Variants in CHRNA7 observed in about 807,000 individuals in gnomAD.
CHRNA7 encodes cholinergic receptor nicotinic alpha 7 subunit, also known as neuronal acetylcholine receptor subunit alpha-7.
A neutral mutation model predicts 48.0 loss-of-function variants in CHRNA7; 17 were observed. The observed-to-expected ratio is 0.35, with a 90% CI of 0.24 to 0.53. The LOEUF (loss-of-function observed/expected upper bound fraction) is 0.53. Among genes scored for constraint, CHRNA7 ranks in the 20% least tolerant of loss-of-function variants. CHRNA7 has a pLI of 0.92. For synonymous variants in CHRNA7, 75 were observed against 242.3 expected (o/e 0.31, Z 6.41); for missense variants, 155 against 577.7 (o/e 0.27, Z 7.50).
At chr15:32,167,862 TATTGTA>T in intron 9 of CHRNA7, 72 bp from the exon 10 acceptor site, 5 of 1,361,788 alleles carry the variant, frequency 3.7e-6, no homozygotes, top group Non-Finnish European at 5.0e-6. Context: ...GCAGGGCTTG[TATTGTA>T]GGATCTTACT....
intron 4 of CHRNA7, among the ~76,000 whole-genome samples, chr15:32,120,720 G>A: frequency 6.6e-6 from 1 of 152,054 alleles, no homozygotes; most frequent in Non-Finnish European, 1.5e-5. Context: ...GTGGCAACGG[G>A]CCAGTCCACG....
intron 2 of CHRNA7, among the ~76,000 whole-genome samples, chr15:32,049,386 T>C (rs975143144): frequency 1.3e-5 from 2 of 152,168 alleles, no homozygotes; most frequent in African/African-American, 4.8e-5. Context: ...AATTGATCCC[T>C]TTACCATTAT....
chr15:32,055,990 C>T (rs28820409), intron 2 of CHRNA7, among the ~76,000 whole-genome samples: 1 of 151,358 alleles, frequency 6.6e-6, no homozygotes, highest in Non-Finnish European at 1.5e-5. Context: ...AAAAAAAAAA[C>T]CAAAAAACAA....
intron 4 of CHRNA7, among the ~76,000 whole-genome samples, chr15:32,141,461 A>G (rs531019041): frequency 6.6e-6 from 1 of 152,304 alleles, no homozygotes; most frequent in East Asian, 1.9e-4. Context: ...CTGTGAAGAA[A>G]GTCATTGGTA....
At position 32,063,236 on chromosome 15, in the gene CHRNA7, T is replaced by TA. The variant is rs71113440; in HGVS notation, c.195+32210dup. On this transcript the variant is annotated intron_variant, in intron 2 of 9. Transcript: ENST00000306901. The stretch of plus-strand genomic sequence containing the variant: ...ACTGTACACTTAGACTACACTAAAT[T>TA]AAAAAAAAAAAGTAATTGCACTGTG... Among the ~76,000 whole-genome samples the TA allele has an allele frequency of 1.0e-4, 15 of 146,176 alleles. No homozygotes were observed. The South Asian group carries it at 1.3e-3, about 13-fold the overall frequency.
intron 2 of CHRNA7, among the ~76,000 whole-genome samples, chr15:32,085,505 A>G (rs1484415535): frequency 6.6e-6 from 1 of 152,254 alleles, no homozygotes; most frequent in Non-Finnish European, 1.5e-5. Flanking sequence ...GTTGAATAGC[A>G]TCTTAGATTT....
At chr15:32,055,587 G>A (rs1022900685) in intron 2 of CHRNA7, among the ~76,000 whole-genome samples, 1 of 152,126 alleles carries the variant, frequency 6.6e-6, no homozygotes, top group Non-Finnish European at 1.5e-5. Context: ...GGAGGGTGGG[G>A]CCTTCATGAC....
At chr15:32,041,325 G>C (rs190927824) in intron 2 of CHRNA7, among the ~76,000 whole-genome samples, 1 of 152,310 alleles carries the variant, frequency 6.6e-6, no homozygotes, top group Admixed American at 6.5e-5. Context: ...TCCATAGACT[G>C]TCGGGGGCCA....
rs1483531596 is a variant in CHRNA7 at position 32,030,559 on chromosome 15, G to A, written c.-36G>A. Reference sequence around the variant, plus strand: ...CAGGCCCGGGCGACAGCCGAGACGTGGAGCGCGCCGGCTCGCTGCAGCTCC... The same window carrying A: ...CAGGCCCGGGCGACAGCCGAGACGTAGAGCGCGCCGGCTCGCTGCAGCTCC... On this transcript the variant is annotated 5_prime_UTR_variant, in exon 1 of 10. Coordinates refer to ENST00000306901, the MANE Select transcript of CHRNA7 (RefSeq NM_000746.6). 7 of 1,459,478 alleles carry A rather than the reference G, an allele frequency of 4.8e-6. No individual in the cohort carries two copies. The highest frequency in any genetic ancestry group is 6.0e-5 in the East Asian group (2 of 33,458). 90.4% of individuals were successfully genotyped at this position (1,459,478 alleles called of 1,614,324 possible). A position where few individuals can be genotyped will look rare whatever the true frequency, so the allele number is the denominator to read the frequency against.
intron 4 of CHRNA7, among the ~76,000 whole-genome samples, chr15:32,127,557 T>C (rs971987224): frequency 1.1e-4 from 16 of 152,160 alleles, no homozygotes; most frequent in African/African-American, 3.9e-4. Flanking sequence ...CTAATGCTGT[T>C]GAACATCTTA....
chr15:32,049,514 T>C (rs553113633), intron 2 of CHRNA7, among the ~76,000 whole-genome samples: 25 of 152,192 alleles, frequency 1.6e-4, no homozygotes, highest in Non-Finnish European at 2.8e-4. Flanking sequence ...TCTTCCTCCA[T>C]CCTTTAATTT....
chr15:32,116,654 G>A (rs1024211661), intron 4 of CHRNA7, among the ~76,000 whole-genome samples: 3 of 152,226 alleles, frequency 2.0e-5, no homozygotes, highest in Non-Finnish European at 4.4e-5. Context: ...GCTTGCAGAA[G>A]GACAGTCTGA....
rs187545998 is a variant in CHRNA7 at position 32,078,690 on chromosome 15, A to T, written c.196-22613A>T. Among the ~76,000 whole-genome samples the T allele has an allele frequency of 3.1e-3, 463 of 150,178 alleles. 4 individuals are homozygous for T. Among genetic ancestry groups the T allele is most frequent in the African/African-American group, 0.011 (450 of 41,000 alleles). On this transcript the variant is annotated intron_variant, in intron 2 of 9. Transcript: ENST00000306901. ...AAAAAAAAAAAAAAAGCCCAGGACC[A>T]GATGGATTTATAGCTTAATTCTACC...
intron 4 of CHRNA7, among the ~76,000 whole-genome samples, chr15:32,126,116 T>C (rs1001647039): frequency 3.3e-5 from 5 of 152,200 alleles, no homozygotes; most frequent in African/African-American, 1.2e-4. Context: ...GCTAGAGAAC[T>C]TTAGTGAATC....
chr15:32,134,290 C>G (rs1011783464), intron 4 of CHRNA7, among the ~76,000 whole-genome samples: 1 of 152,078 alleles, frequency 6.6e-6, no homozygotes, highest in Admixed American at 6.5e-5. Flanking sequence ...TCCTGAGTAG[C>G]TGGGATTACA....
At chr15:32,137,528 A>C (rs547435856) in intron 4 of CHRNA7, among the ~76,000 whole-genome samples, 2 of 152,338 alleles carry the variant, frequency 1.3e-5, no homozygotes, top group African/African-American at 4.8e-5. Context: ...AGAAGATTTT[A>C]ATGTACCTCT....
chr15:32,100,173 A>G (rs1595445568), intron 2 of CHRNA7: 1 of 149,084 alleles, frequency 6.7e-6, no homozygotes, highest in Admixed American at 6.7e-5. Context: ...AGCAGATGCC[A>G]CGTTCTTTCT....
At chr15:32,039,641 T>G (rs1204180708) in intron 2 of CHRNA7, among the ~76,000 whole-genome samples, 1 of 152,176 alleles carries the variant, frequency 6.6e-6, no homozygotes, top group African/African-American at 2.4e-5. Flanking sequence ...TAATTTCTAT[T>G]CTTTTAAATT....
chr15:32,138,197 C>T (rs999501837), intron 4 of CHRNA7, among the ~76,000 whole-genome samples: 2 of 151,814 alleles, frequency 1.3e-5, no homozygotes, highest in African/African-American at 4.8e-5. Flanking sequence ...ACCAAGAAAA[C>T]AAAGAAGGCA....
Sources: gnomAD v4.1 joint callset for allele counts (sites outside exome capture counted in the v4.1 genomes callset) on GRCh38, gnomAD v4.1.1 for gene constraint, MANE v1.5 for transcripts, NCBI Gene and HGNC (gene_info 2026-07-23, HGNC 2026-07-21) for gene names.